The following GRAMD1B variants were observed in gnomAD, a reference collection of about 807,000 sequenced individuals.
The protein encoded by GRAMD1B is GRAM domain containing 1B.
In GRAMD1B, 37 loss-of-function variants were observed where a neutral mutation model predicts 99.7. The observed-to-expected ratio is 0.37, with a 90% CI of 0.29 to 0.49. The LOEUF (loss-of-function observed/expected upper bound fraction) is 0.49. GRAMD1B is among the 20% of genes least tolerant of loss of function. The pLI is 0.98. For synonymous variants in GRAMD1B, 427 were observed against 387.6 expected (o/e 1.10, Z -1.19); for missense variants, 888 against 1,009.2 (o/e 0.88, Z 1.63).
intron 2 of GRAMD1B, among the ~76,000 whole-genome samples, chr11:123,563,093 GTTA>G (rs1565377845): frequency 6.6e-6 from 1 of 152,218 alleles, no homozygotes; most frequent in Non-Finnish European, 1.5e-5. Context: ...CCATCGCCAT[GTTA>G]ATGTGAGAGT....
chr11:123,482,745 A>G (rs1208484550), intron 2 of GRAMD1B, among the ~76,000 whole-genome samples: 1 of 152,242 alleles, frequency 6.6e-6, no homozygotes, highest in Non-Finnish European at 1.5e-5. Context: ...TGATTATATC[A>G]TAACTATATC....
At chr11:123,536,879 A>G (rs985842506) in intron 2 of GRAMD1B, among the ~76,000 whole-genome samples, 1 of 152,082 alleles carries the variant, frequency 6.6e-6, no homozygotes, top group African/African-American at 2.4e-5. Flanking sequence ...AACTTGTTCT[A>G]CATTTACTGG....
chr11:123,580,319 G>A (rs905291616), intron 3 of GRAMD1B, among the ~76,000 whole-genome samples: 2 of 152,190 alleles, frequency 1.3e-5, no homozygotes, highest in African/African-American at 2.4e-5. Flanking sequence ...TTCTGGTAGC[G>A]GGATGGGGAC....
At chr11:123,362,424 GAGA>G (rs1706934582) in intron 1 of GRAMD1B, among the ~76,000 whole-genome samples, 1 of 152,214 alleles carries the variant, frequency 6.6e-6, no homozygotes, top group Non-Finnish European at 1.5e-5. Context: ...TCTGGTAAAA[GAGA>G]AGTTTTTCCC....
At chr11:123,411,978 A>G (rs960110238) in intron 1 of GRAMD1B, among the ~76,000 whole-genome samples, 5 of 152,222 alleles carry the variant, frequency 3.3e-5, no homozygotes, top group African/African-American at 1.2e-4. Context: ...AGTGAAATCT[A>G]TAATGATACT....
Position 123,587,493 on chromosome 11 carries a change from G to C in GRAMD1B, c.684+3161G>C, listed in dbSNP as rs1203797753. The stretch of plus-strand genomic sequence containing the variant: ...GCAGGGAGCCAAGGGCAGAGTTGAG[G>C]GGCAACCTGGCCAGGGCCACTGGGG... On this transcript the variant is annotated intron_variant, in intron 4 of 19. Coordinates refer to ENST00000635736, the MANE Select transcript of GRAMD1B (RefSeq NM_001387025.1). This position sits in a 1 kb window ranked among gnomAD's most constrained non-coding sequence, Gnocchi z 4.2. 6.6e-6 allele frequency among the ~76,000 whole-genome samples: 1 copy of C among 152,232 alleles called. No individual in the cohort carries two copies. Among genetic ancestry groups the C allele is most frequent in the East Asian group, 1.9e-4 (1 of 5,194 alleles).
At position 123,431,165 on chromosome 11, in the gene GRAMD1B, A is replaced by G; in HGVS notation, c.373A>G (p.Ser125Gly). 1.4e-6 allele frequency: 1 copy of G among 699,816 alleles called. No homozygotes were observed. Among genetic ancestry groups the G allele is most frequent in the Non-Finnish European group, 2.6e-6 (1 of 383,008 alleles). The allele number at this position is 699,816 out of a possible 1,614,324, so 43.4% of individuals were successfully genotyped here. Residue 125 changes from serine (S) to glycine (G), a missense_variant and splice_region_variant, in exon 1 of 20, where the codon AGC (serine) becomes GGC (glycine). Ser to Gly is a moderately conservative substitution (Grantham distance 56). Around this residue, in one of 5 missense-constraint regions of GRAMD1B, gnomAD observed 233 missense variants for 154.6 expected, o/e 1.51. Transcript: ENST00000635736. ...GGAGCGGAAGGAGTGCAGTGAAAGC[A>G]GGTACGTCCCCGTTCCGCCCGTCTC... is the stretch of plus-strand genomic sequence containing the variant. Reference protein sequence around the residue: ...VRERKECSESSSQQSSQQSSH... With the variant: ...VRERKECSESGSQQSSQQSSH...
intron 1 of GRAMD1B, among the ~76,000 whole-genome samples, chr11:123,399,866 T>C (rs902046339): frequency 6.6e-6 from 1 of 152,150 alleles, no homozygotes; most frequent in Admixed American, 6.5e-5. Flanking sequence ...GTGATCTACC[T>C]GCCCCTAACT....
Position 123,431,154 on chromosome 11 carries a change from G to T in GRAMD1B, c.362G>T (p.Cys121Phe), listed in dbSNP as rs1034384315. 1 of 701,784 alleles carries T rather than the reference G, an allele frequency of 1.4e-6. No individual in the cohort carries two copies. The highest frequency in any genetic ancestry group is 1.7e-5 in the African/African-American group (1 of 57,266). The allele number at this position is 701,784 out of a possible 1,614,324, so 43.5% of individuals were successfully genotyped here. ...KWLRVRERKE[C>F]SESSSQQSSQ... ...CTGAGGGTGAGGGAGCGGAAGGAGTGCAGTGAAAGCAGGTACGTCCCCGTT... is the reference window on the plus strand; with the variant it reads ...CTGAGGGTGAGGGAGCGGAAGGAGTTCAGTGAAAGCAGGTACGTCCCCGTT... The change falls in exon 1 of 20, where the codon TGC becomes TTC. Residue 121 changes from cysteine to phenylalanine, a missense_variant. Transcript: ENST00000635736.
intron 2 of GRAMD1B, among the ~76,000 whole-genome samples, chr11:123,494,420 T>C (rs1938972999): frequency 7.8e-6 from 1 of 128,454 alleles, no homozygotes; most frequent in South Asian, 2.4e-4. Context: ...ACTTAAGGCC[T>C]TTTTTTTTTT....
At chr11:123,567,717 A>G (rs1279833196) in intron 2 of GRAMD1B, among the ~76,000 whole-genome samples, 2 of 152,192 alleles carry the variant, frequency 1.3e-5, no homozygotes, top group East Asian at 3.9e-4. Flanking sequence ...GCCAGGCAGC[A>G]GGGGGGAGTG....
chr11:123,448,700 A>G (rs1269702709), intron 1 of GRAMD1B, among the ~76,000 whole-genome samples: 1 of 152,030 alleles, frequency 6.6e-6, no homozygotes, highest in Non-Finnish European at 1.5e-5. Flanking sequence ...TTGTAATTGA[A>G]CTCATTATTT....
chr11:123,397,352 A>G (rs975729598), intron 1 of GRAMD1B, among the ~76,000 whole-genome samples: 2 of 152,182 alleles, frequency 1.3e-5, no homozygotes, highest in Middle Eastern at 3.2e-3. Context: ...CAGTGCAGTG[A>G]GCTGAGATCA....
At position 123,551,556 on chromosome 11, in the gene GRAMD1B, C is replaced by A. The variant is rs143914652; in HGVS notation, c.453-25811C>A. Among the ~76,000 whole-genome samples the A allele has an allele frequency of 1.6e-4, 25 of 152,250 alleles. No homozygotes were observed. In the East Asian group the frequency reaches 2.5e-3, roughly 15 times the overall value. On this transcript the variant is annotated intron_variant, in intron 2 of 19. Coordinates refer to ENST00000635736, the MANE Select transcript of GRAMD1B (RefSeq NM_001387025.1). ...AGGGTAGCTAGGGGCAGACCATGTCCAAAACTTGGTGGCTTGCGGTGGTGG... is the reference window on the plus strand; with the variant it reads ...AGGGTAGCTAGGGGCAGACCATGTCAAAAACTTGGTGGCTTGCGGTGGTGG...
At chr11:123,364,463 A>G (rs1946252312) in intron 1 of GRAMD1B, among the ~76,000 whole-genome samples, 1 of 152,260 alleles carries the variant, frequency 6.6e-6, no homozygotes, top group South Asian at 2.1e-4. Flanking sequence ...AGGGGAAGAC[A>G]GAAGCCGCTA....
chr11:123,395,601 G>A (rs751700177), intron 1 of GRAMD1B, among the ~76,000 whole-genome samples: 2 of 152,208 alleles, frequency 1.3e-5, no homozygotes, highest in Non-Finnish European at 2.9e-5. Context: ...AGTCACGTAT[G>A]CTTGAGTAGT....
At position 123,492,061 on chromosome 11, in the gene GRAMD1B, C is replaced by T. The variant is rs956725416; in HGVS notation, c.452+11168C>T. The stretch of plus-strand genomic sequence containing the variant: ...CTGCCCAAGAGGGACACTCGGTGAT[C>T]CATTGCAAGAGGCTGAAGGGAAAGG... On this transcript the variant is annotated intron_variant, in intron 2 of 19. Coordinates refer to ENST00000635736, the MANE Select transcript of GRAMD1B (RefSeq NM_001387025.1). The surrounding 1 kb of genome is among the most constrained non-coding windows in gnomAD (Gnocchi z 4.2). 1 of 395,196 alleles carries T rather than the reference C, an allele frequency of 2.5e-6. No individual in the cohort carries two copies. Among genetic ancestry groups the T allele is most frequent in the African/African-American group, 2.1e-5 (1 of 48,524 alleles). 24.5% of individuals were successfully genotyped at this position (395,196 alleles called of 1,614,324 possible).
intron 1 of GRAMD1B, among the ~76,000 whole-genome samples, chr11:123,431,742 A>G (rs1948902183): frequency 6.6e-6 from 1 of 152,210 alleles, no homozygotes; most frequent in Non-Finnish European, 1.5e-5. Flanking sequence ...TTCCTACCAT[A>G]TCAGAGTCTT....
intron 11 of GRAMD1B, 88 bp from the exon 12 acceptor site, chr11:123,608,571 A>G (rs1953063556): frequency 1.3e-6 from 2 of 1,550,060 alleles, no homozygotes; most frequent in Admixed American, 2.0e-5. Context: ...CATATTAGCC[A>G]GAGACCTAAG....
Sources: gnomAD v4.1 joint callset for allele counts (sites outside exome capture counted in the v4.1 genomes callset) on GRCh38, gnomAD v4.1.1 for gene constraint, gnomAD v4.1.1 regional missense constraint, Gnocchi (gnomAD v3.1) non-coding constraint, MANE v1.5 for transcripts, NCBI Gene and HGNC (gene_info 2026-07-23, HGNC 2026-07-21) for gene names.